ZNF415: variants seen among roughly 807,000 people sequenced by gnomAD.
ZNF415 encodes the protein zinc finger protein 415.
A neutral mutation model predicts 7.3 loss-of-function variants in ZNF415; 5 were observed. The ratio of observed to expected loss-of-function variants is 0.69; its 90% confidence interval spans 0.36 to 1.44. The LOEUF (loss-of-function observed/expected upper bound fraction) is 1.44. ZNF415 is among the 40% of genes most tolerant of loss of function. The pLI, the probability that ZNF415 is intolerant of heterozygous loss-of-function variation, is 0.04. For synonymous variants in ZNF415, 207 were observed against 226.3 expected (o/e 0.91, Z 0.77); for missense variants, 628 against 664.8 (o/e 0.94, Z 0.61).
chr19:53,116,055 T>C lies in ZNF415; in HGVS notation c.136+258A>G, dbSNP rs532230181. On this transcript the variant is annotated intron_variant, in intron 3 of 3. Coordinates refer to ENST00000243643, the MANE Select transcript of ZNF415 (RefSeq NM_018355.4). ...AAGCACAGGGGCAGAAAACAAGAAG[T>C]GAGTATTTCAGAAGTCTACCATAAG... 1.7e-4 allele frequency: 107 copies of C among 613,990 alleles called. No individual in the cohort carries two copies. The South Asian group carries it at 2.2e-3, about 12-fold the overall frequency. 38.0% of individuals were successfully genotyped at this position (613,990 alleles called of 1,614,324 possible). A position where few individuals can be genotyped will look rare whatever the true frequency, so the allele number is the denominator to read the frequency against.
At chr19:53,115,016 G>A (rs974187355) in intron 3 of ZNF415, among the ~76,000 whole-genome samples, 4 of 152,082 alleles carry the variant, frequency 2.6e-5, no homozygotes, top group Non-Finnish European at 4.4e-5. Flanking sequence ...TATGGAGAGC[G>A]AACTGAGCAT....
intron 3 of ZNF415, among the ~76,000 whole-genome samples, chr19:53,113,606 A>C (rs1343865605): frequency 5.9e-5 from 9 of 152,086 alleles, no homozygotes; most frequent in Non-Finnish European, 7.4e-5. Flanking sequence ...TCAGCTTCAC[A>C]AGCTCCCTCC....
Position 53,122,700 on chromosome 19 carries a change from T to A in ZNF415, c.-24A>T. ...ATTCCTGACTCCTTTGCTCTCCTCT[T>A]CTGGGTTTCTTCCTCATGTGCCAGG... On this transcript the variant is annotated 5_prime_UTR_variant, in exon 2 of 4. Coordinates refer to ENST00000243643, the MANE Select transcript of ZNF415 (RefSeq NM_018355.4). 6.2e-7 allele frequency: 1 copy of A among 1,614,114 alleles called. No homozygotes were observed. Among genetic ancestry groups the A allele is most frequent in the Admixed American group, 1.7e-5 (1 of 60,010 alleles).
intron 3 of ZNF415, chr19:53,115,713 C>T (rs1466372167): frequency 6.5e-7 from 1 of 1,550,254 alleles, no homozygotes; most frequent in African/African-American, 1.4e-5. Context: ...CCTGTTTTCA[C>T]ACCTTTGATC....
intron 1 of ZNF415, among the ~76,000 whole-genome samples, chr19:53,128,248 A>G (rs1164788765): frequency 6.6e-6 from 1 of 152,010 alleles, no homozygotes; most frequent in African/African-American, 2.4e-5. Context: ...AGTGGGCCTC[A>G]AGTCTAGATT....
chr19:53,115,475 G>A, intron 3 of ZNF415: 1 of 556,310 alleles, frequency 1.8e-6, no homozygotes, highest in Non-Finnish European at 3.2e-6. Context: ...TGTCCATCAT[G>A]ATGAGCACTT....
intron 2 of ZNF415, among the ~76,000 whole-genome samples, chr19:53,121,666 G>A (rs58745519): frequency 3.3e-5 from 5 of 151,758 alleles, no homozygotes; most frequent in African/African-American, 7.3e-5. Flanking sequence ...ACAATGATCC[G>A]CTCACCTCGG....
intron 1 of ZNF415, among the ~76,000 whole-genome samples, chr19:53,131,503 A>G (rs1368275041): frequency 3.3e-5 from 5 of 151,872 alleles, no homozygotes; most frequent in African/African-American, 1.2e-4. Context: ...TCAGTTCACA[A>G]CTCACCTGGA....
chr19:53,117,817 T>C (rs949381126), intron 2 of ZNF415, among the ~76,000 whole-genome samples: 3 of 151,942 alleles, frequency 2.0e-5, no homozygotes, highest in Non-Finnish European at 4.4e-5. Context: ...AGAGCAAACA[T>C]GCAAGTAAGG....
chr19:53,122,314 TC>T lies in ZNF415; in HGVS notation c.15+347del, dbSNP rs1434611693. The T allele has an allele frequency of 3.1e-6, 4 of 1,306,234 alleles. No homozygotes were observed. The African/African-American group carries it at 5.9e-5, about 19-fold the overall frequency. The allele number at this position is 1,306,234 out of a possible 1,614,324, so 80.9% of individuals were successfully genotyped here. A position where few individuals can be genotyped will look rare whatever the true frequency, so the allele number is the denominator to read the frequency against. ...TGACTTCCATGGGCAGCTTCTCTAT[TC>T]CTGGGCTACGGAGAGCCGACAGTGC... On this transcript the variant is annotated intron_variant, in intron 2 of 3. Coordinates refer to ENST00000243643, the MANE Select transcript of ZNF415 (RefSeq NM_018355.4).
intron 1 of ZNF415, among the ~76,000 whole-genome samples, chr19:53,130,722 C>T (rs928924563): frequency 6.6e-6 from 1 of 152,116 alleles, no homozygotes; most frequent in African/African-American, 2.4e-5. Context: ...TCTTGGCTCA[C>T]TGCAACCTCC....
At chr19:53,119,112 T>TCC (rs2087533820) in intron 2 of ZNF415, among the ~76,000 whole-genome samples, 1 of 151,836 alleles carries the variant, frequency 6.6e-6, no homozygotes, top group Non-Finnish European at 1.5e-5. Context: ...ACCCCGCTTC[T>TCC]ACTAAAAAAA....
intron 1 of ZNF415, among the ~76,000 whole-genome samples, chr19:53,124,891 A>C (rs2088778653): frequency 6.6e-6 from 1 of 151,668 alleles, no homozygotes; most frequent in African/African-American, 2.4e-5. Flanking sequence ...AAATGACACC[A>C]GGAATTCTGG....
chr19:53,109,950 C>T (rs571544074), intron 3 of ZNF415, 42 bp from the exon 4 acceptor site: 3 of 1,458,320 alleles, frequency 2.1e-6, no homozygotes, highest in East Asian at 2.3e-5. Context: ...TAATTAGAGA[C>T]AGTATATAAA....
At chr19:53,122,207 T>C (rs1234076963) in intron 2 of ZNF415, among the ~76,000 whole-genome samples, 2 of 151,912 alleles carry the variant, frequency 1.3e-5, no homozygotes, top group East Asian at 3.9e-4. Flanking sequence ...GATTGCGCCA[T>C]TGCACTCCAG....
At position 53,111,401 on chromosome 19, in the gene ZNF415, G is replaced by A. The variant is rs968228956; in HGVS notation, c.137-1493C>T. On this transcript the variant is annotated intron_variant, in intron 3 of 3. Transcript: ENST00000243643. ...CTTGTCACCCAGGCTGGAGTACAATGGCGCAATCTCGGCTAACTGCAACCT... is the reference window on the plus strand; with the variant it reads ...CTTGTCACCCAGGCTGGAGTACAATAGCGCAATCTCGGCTAACTGCAACCT... Among the ~76,000 whole-genome samples the A allele has an allele frequency of 3.0e-5, 4 of 135,304 alleles. No homozygotes were observed. The Admixed American group carries it at 3.5e-4, about 12-fold the overall frequency. 88.8% of individuals were successfully genotyped at this position (135,304 alleles called of 152,430 possible).
intron 1 of ZNF415, among the ~76,000 whole-genome samples, chr19:53,132,569 C>A (rs945903011): frequency 6.6e-6 from 1 of 152,190 alleles, no homozygotes; most frequent in Non-Finnish European, 1.5e-5. Context: ...TGGGAGGCAC[C>A]CAGGACGGGA....
chr19:53,110,859 T>C (rs925090752), intron 3 of ZNF415, among the ~76,000 whole-genome samples: 1 of 152,294 alleles, frequency 6.6e-6, no homozygotes, highest in Non-Finnish European at 1.5e-5. Context: ...TGCACTTATG[T>C]AACAAACAGC....
At position 53,108,618 on chromosome 19, in the gene ZNF415, C is replaced by T. The variant is rs1415901321; in HGVS notation, c.1427G>A (p.Gly476Asp). The T allele has an allele frequency of 6.2e-7, 1 of 1,613,900 alleles. No homozygotes were observed. The highest frequency in any genetic ancestry group is 1.7e-5 in the Admixed American group (1 of 59,986). ...KPYKCNQCGKGFSVHSSLTTH... is the reference protein window; with the variant it reads ...KPYKCNQCGKDFSVHSSLTTH... ...AGTTAGGCTTGAATGCACACTGAAG[C>T]CTTTGCCACATTGATTACATTTGTA... The change falls in exon 4 of 4, where the codon GGC becomes GAC. Residue 476 changes from glycine to aspartate, a missense_variant. Gly to Asp is a moderately conservative substitution (Grantham distance 94). Transcript: ENST00000243643.
Sources: gnomAD v4.1 joint callset for allele counts (sites outside exome capture counted in the v4.1 genomes callset) on GRCh38, gnomAD v4.1.1 for gene constraint, MANE v1.5 for transcripts, NCBI Gene and HGNC (gene_info 2026-07-23, HGNC 2026-07-21) for gene names.